The following SEMA3E variants were observed in gnomAD, a reference collection of about 807,000 sequenced individuals.
SEMA3E encodes semaphorin-3E.
In SEMA3E, 49 loss-of-function variants were observed where a neutral mutation model predicts 93.6. The observed-to-expected ratio is 0.52, with a 90% CI of 0.42 to 0.66. The LOEUF (loss-of-function observed/expected upper bound fraction) is 0.66. Ranked by LOEUF, SEMA3E falls within the 30% of genes least tolerant of loss-of-function variation. The probability of loss-of-function intolerance (pLI) is 0.00; values close to 1 mark genes in which losing one functional copy is unlikely to be tolerated. For synonymous variants in SEMA3E, 363 were observed against 330.7 expected, an observed-to-expected ratio of 1.10 and a Z score of -1.06; for missense variants, 906 against 964.8, an observed-to-expected ratio of 0.94 and a Z score of 0.81.
chr7:83,373,576 C>A (rs1029794371), intron 16 of SEMA3E, among the ~76,000 whole-genome samples: 1 of 152,048 alleles, frequency 6.6e-6, no homozygotes, highest in Non-Finnish European at 1.5e-5. Flanking sequence ...TCGGGGAAAC[C>A]TATCACACTA....
rs774990422 is a variant in SEMA3E, at chr7:83,402,741, T to C, written c.1034A>G (p.His345Arg). Residue 345 changes from histidine (H) to arginine (R), a missense_variant, in exon 10 of 17, where the codon CAC becomes CGC. Coordinates refer to ENST00000643230, the MANE Select transcript of SEMA3E (RefSeq NM_012431.3). ...IFRGHAICVY[H>R]MSSIRAAFNG... ...GAAGGCTGCCCGAATGCTAGACATGTGATAGACACATATAGCATGCCCTCG... is the reference window on the plus strand; with the variant it reads ...GAAGGCTGCCCGAATGCTAGACATGCGATAGACACATATAGCATGCCCTCG... 1.9e-5 allele frequency: 30 copies of C among 1,612,738 alleles called. No individual in the cohort carries two copies. The highest frequency in any genetic ancestry group is 2.3e-5 in the Non-Finnish European group (27 of 1,179,158).
rs762367173 is a variant in SEMA3E at position 83,394,282 on chromosome 7, AC to A, written c.1500+14del. 2.5e-6 allele frequency: 4 copies of A among 1,612,802 alleles called. No individual in the cohort carries two copies. Among genetic ancestry groups the A allele is most frequent in the Admixed American group, 3.3e-5 (2 of 59,922 alleles). On this transcript the variant is annotated intron_variant, in intron 13 of 16. Transcript: ENST00000643230. ...AGAACACACACACCTACACACACAC[AC>A]ACACAGAACTTACCCGCTTTGAAGA...
intron 16 of SEMA3E, among the ~76,000 whole-genome samples, chr7:83,379,043 G>A (rs1270088488): frequency 1.3e-5 from 2 of 151,720 alleles, no homozygotes; most frequent in Non-Finnish European, 2.9e-5. Flanking sequence ...TGGCATATAT[G>A]TGCTATGGAA....
chr7:83,406,521 C>T (rs957676042), intron 7 of SEMA3E, among the ~76,000 whole-genome samples: 3 of 151,892 alleles, frequency 2.0e-5, no homozygotes, highest in Non-Finnish European at 4.4e-5. Context: ...TATATACATA[C>T]ACCACACACA....
At chr7:83,591,682 A>T (rs978414204) in intron 1 of SEMA3E, among the ~76,000 whole-genome samples, 1 of 152,032 alleles carries the variant, frequency 6.6e-6, no homozygotes, top group Admixed American at 6.6e-5. Context: ...CAATCTCACA[A>T]GGTTTGAACA....
At chr7:83,480,368 C>T (rs1385973020) in intron 2 of SEMA3E, among the ~76,000 whole-genome samples, 1 of 152,100 alleles carries the variant, frequency 6.6e-6, no homozygotes, top group Non-Finnish European at 1.5e-5. Context: ...GCAGAGGGTG[C>T]AGTGAGCCGA....
At chr7:83,567,893 T>C (rs1028820806) in intron 1 of SEMA3E, among the ~76,000 whole-genome samples, 6 of 149,640 alleles carry the variant, frequency 4.0e-5, no homozygotes, top group African/African-American at 9.8e-5. Context: ...AGGAAAGAAA[T>C]AATAAAGATC....
At chr7:83,430,182 G>T (rs1788852283) in intron 4 of SEMA3E, among the ~76,000 whole-genome samples, 1 of 152,040 alleles carries the variant, frequency 6.6e-6, no homozygotes, top group Non-Finnish European at 1.5e-5. Context: ...AAGCCAAAAT[G>T]GGCCGGGTAC....
chr7:83,404,934 C>A (rs1202234994), intron 9 of SEMA3E, among the ~76,000 whole-genome samples: 1 of 151,804 alleles, frequency 6.6e-6, no homozygotes, highest in Non-Finnish European at 1.5e-5. Context: ...GTAATGGGAA[C>A]TAGCAAAGTA....
chr7:83,386,925 A>G, intron 15 of SEMA3E, 58 bp downstream of exon 15: 5 of 1,431,664 alleles, frequency 3.5e-6, no homozygotes, highest in Non-Finnish European at 4.9e-6. Context: ...AGAAGTTTGT[A>G]GTTTATGTTC....
At chr7:83,415,996 C>T (rs2115684540) in intron 5 of SEMA3E, among the ~76,000 whole-genome samples, 1 of 152,132 alleles carries the variant, frequency 6.6e-6, no homozygotes, top group East Asian at 1.9e-4. Context: ...CAAATTCCAA[C>T]TCAGGTAGCT....
intron 4 of SEMA3E, chr7:83,462,292 C>A (rs952891174): frequency 3.3e-5 from 5 of 152,176 alleles, no homozygotes; most frequent in African/African-American, 1.2e-4. Flanking sequence ...CCCTTGCCTC[C>A]ATAACTGTTG....
chr7:83,525,309 T>C (rs1162252670), intron 1 of SEMA3E, among the ~76,000 whole-genome samples: 1 of 152,156 alleles, frequency 6.6e-6, no homozygotes, highest in Non-Finnish European at 1.5e-5. Context: ...GAGCCTTTTA[T>C]ATTTCTCCAG....
At chr7:83,586,801 G>A (rs186772388) in intron 1 of SEMA3E, among the ~76,000 whole-genome samples, 3 of 151,868 alleles carry the variant, frequency 2.0e-5, no homozygotes, top group South Asian at 4.1e-4. Flanking sequence ...AATCTCTATC[G>A]TCAACAATGT....
intron 6 of SEMA3E, among the ~76,000 whole-genome samples, chr7:83,407,623 A>G (rs1788355563): frequency 6.6e-6 from 1 of 152,156 alleles, no homozygotes; most frequent in Admixed American, 6.6e-5. Flanking sequence ...AAGTATAAGT[A>G]ACATATTAAA....
chr7:83,404,339 T>G (rs181812006), intron 9 of SEMA3E, among the ~76,000 whole-genome samples: 2 of 151,982 alleles, frequency 1.3e-5, no homozygotes, highest in Admixed American at 6.6e-5. Flanking sequence ...TACTGAAAAA[T>G]AACAAACTAA....
intron 4 of SEMA3E, among the ~76,000 whole-genome samples, chr7:83,424,383 A>G (rs1008917675): frequency 6.6e-6 from 1 of 152,182 alleles, no homozygotes; most frequent in Non-Finnish European, 1.5e-5. Context: ...TTAAATTACT[A>G]CAGTATGATG....
Position 83,367,635 on chromosome 7 carries a change from C to A in SEMA3E, c.2279G>T (p.Arg760Leu). ...CAGGCGGTAATGCTCAGGTTTGGAA[C>A]GGAGCTTCTTTTCCTGAGGGTTGGC... ...KYANPQEKKL[R>L]SKPEHYRLPR... Residue 760 changes from arginine (R) to leucine (L), a missense_variant, in exon 17 of 17, where the codon CGT becomes CTT. Physicochemically the swap from Arg to Leu is moderately radical, Grantham distance 102. Transcript: ENST00000643230. 2 of 1,614,136 alleles carry A rather than the reference C, an allele frequency of 1.2e-6. No homozygotes were observed. The highest frequency in any genetic ancestry group is 8.5e-7 in the Non-Finnish European group (1 of 1,180,020).
At chr7:83,404,105 G>A (rs1009836390) in intron 9 of SEMA3E, among the ~76,000 whole-genome samples, 1 of 151,882 alleles carries the variant, frequency 6.6e-6, no homozygotes, top group East Asian at 1.9e-4. Flanking sequence ...TGCAACATAT[G>A]AATTATTCAC....
Sources: gnomAD v4.1 joint callset for allele counts (sites outside exome capture counted in the v4.1 genomes callset) on GRCh38, gnomAD v4.1.1 for gene constraint, MANE v1.5 for transcripts, NCBI Gene and HGNC (gene_info 2026-07-23, HGNC 2026-07-21) for gene names.